The following SLCO5A1 variants were observed in gnomAD, a reference collection of about 807,000 sequenced individuals.
SLCO5A1 encodes solute carrier organic anion transporter family member 5A1, also known as organic anion transporter polypeptide-related protein 4.
Under a neutral mutation model 65.1 loss-of-function variants are expected in SLCO5A1, and 39 were observed. The observed-to-expected ratio is 0.60, with a 90% CI of 0.46 to 0.78. The LOEUF (loss-of-function observed/expected upper bound fraction) is 0.78, where lower values mean the gene tolerates loss of function less well. Ranked by LOEUF, SLCO5A1 falls within the 30% of genes least tolerant of loss-of-function variation. SLCO5A1 has a pLI of 0.00. For missense variants in SLCO5A1, 1,029 were observed against 1,069.4 expected (o/e 0.96, Z 0.53); for synonymous variants, 438 against 415.7 (o/e 1.05, Z -0.65).
intron 6 of SLCO5A1, chr8:69,704,787 A>G (rs1442830606): frequency 2.0e-6 from 1 of 502,452 alleles, no homozygotes; most frequent in African/African-American, 1.9e-5. Context: ...TTTCATCCTC[A>G]TCTGATGTAA....
intron 2 of SLCO5A1, among the ~76,000 whole-genome samples, chr8:69,795,042 A>T (rs972153789): frequency 6.6e-6 from 1 of 152,146 alleles, no homozygotes; most frequent in African/African-American, 2.4e-5. Context: ...ATGAGGGACA[A>T]CCCCTGTGAT....
chr8:69,794,258 A>G (rs556704453), intron 2 of SLCO5A1: 61 of 476,350 alleles, frequency 1.3e-4, no homozygotes, highest in African/African-American at 1.1e-3. Flanking sequence ...TTCCACCAGA[A>G]TGGGAAAGTT....
chr8:69,695,399 G>A (rs1814454961), intron 6 of SLCO5A1, among the ~76,000 whole-genome samples: 1 of 152,116 alleles, frequency 6.6e-6, no homozygotes, highest in Non-Finnish European at 1.5e-5. Context: ...GGAGGCTGAG[G>A]CAGGGATAAT....
rs1272727420 is a variant in SLCO5A1, at chr8:69,670,432, G to C, written c.*2437C>G. ...ACTCTTAATTGGTACATATTCCAAA[G>C]CTTTATTTTCTCATGATTTTTACTA... On this transcript the variant is annotated 3_prime_UTR_variant, in exon 10 of 10. Coordinates refer to ENST00000260126, the MANE Select transcript of SLCO5A1 (RefSeq NM_030958.3). 7 of 152,146 alleles carry C rather than the reference G, an allele frequency of 4.6e-5. No homozygotes were observed. Among genetic ancestry groups the C allele is most frequent in the Non-Finnish European group, 8.8e-5 (6 of 68,026 alleles). 9.4% of individuals were successfully genotyped at this position (152,146 alleles called of 1,614,324 possible). A position where few individuals can be genotyped will look rare whatever the true frequency, so the allele number is the denominator to read the frequency against.
chr8:69,733,509 T>A, intron 5 of SLCO5A1, among the ~76,000 whole-genome samples: 1 of 152,176 alleles, frequency 6.6e-6, no homozygotes, highest in East Asian at 1.9e-4. Context: ...CCTGTATAAC[T>A]GCTCCTTCAG....
At chr8:69,762,128 T>A (rs1817809582) in intron 2 of SLCO5A1, among the ~76,000 whole-genome samples, 1 of 14,664 alleles carries the variant, frequency 6.8e-5, no homozygotes, top group South Asian at 2.5e-3. Flanking sequence ...TTTTCTTTCT[T>A]TCTTTCTTTC....
intron 8 of SLCO5A1, among the ~76,000 whole-genome samples, chr8:69,677,130 CA>C (rs1469062195): frequency 6.6e-6 from 1 of 151,938 alleles, no homozygotes; most frequent in Non-Finnish European, 1.5e-5. Context: ...TCTTCCAAAA[CA>C]GGAAGAAAGA....
At chr8:69,825,305 A>C (rs1432105312) in intron 2 of SLCO5A1, among the ~76,000 whole-genome samples, 1 of 152,228 alleles carries the variant, frequency 6.6e-6, no homozygotes, top group Non-Finnish European at 1.5e-5. Context: ...AAGGAAATAA[A>C]GGGTATTCAA....
At chr8:69,724,414 A>G (rs1815969106) in intron 5 of SLCO5A1, among the ~76,000 whole-genome samples, 1 of 152,240 alleles carries the variant, frequency 6.6e-6, no homozygotes, top group South Asian at 2.1e-4. Flanking sequence ...CATAAATTAT[A>G]TTCATCTTTA....
At chr8:69,769,244 T>C (rs573622365) in intron 2 of SLCO5A1, among the ~76,000 whole-genome samples, 9 of 152,332 alleles carry the variant, frequency 5.9e-5, no homozygotes, top group Admixed American at 3.9e-4. Context: ...TTATCTGCAC[T>C]GCCCACTTTA....
chr8:69,818,583 G>A (rs1487524409), intron 2 of SLCO5A1, among the ~76,000 whole-genome samples: 1 of 152,162 alleles, frequency 6.6e-6, no homozygotes, highest in African/African-American at 2.4e-5. Flanking sequence ...CTACTAAAAA[G>A]GCTGATCTCT....
In SLCO5A1 at chr8:69,770,565, G is replaced by A. The variant is rs542745040; in HGVS notation, c.908-8690C>T. ...ATTCCCAGCTCAGCTGTGTACTTTC[G>A]TGGAGTTAAGAAGCCACTTATGATG... On this transcript the variant is annotated intron_variant, in intron 2 of 9. Transcript: ENST00000260126. Among the ~76,000 whole-genome samples the A allele has an allele frequency of 4.6e-5, 7 of 152,076 alleles. No individual in the cohort carries two copies. The East Asian group carries it at 1.4e-3, about 29-fold the overall frequency.
At chr8:69,755,299 C>A in intron 4 of SLCO5A1, 125 bp downstream of exon 4, 1 of 613,070 alleles carries the variant, frequency 1.6e-6, no homozygotes, top group Non-Finnish European at 2.5e-6. Context: ...TTTTGCAACA[C>A]TTACTCTCAA....
chr8:69,773,050 A>G, intron 2 of SLCO5A1: 1 of 784,348 alleles, frequency 1.3e-6, no homozygotes, highest in Non-Finnish European at 1.5e-6. Flanking sequence ...CTAGACACTA[A>G]AGGCTGAGCA....
intron 2 of SLCO5A1, among the ~76,000 whole-genome samples, chr8:69,828,276 TA>T (rs57458834): frequency 0.011 from 1,464 of 131,762 alleles, 22 homozygotes; most frequent in African/African-American, 0.047. Context: ...TTTTTTTTTT[TA>T]AAAAAAAAGC....
At chr8:69,718,237 T>C (rs1356953159) in intron 5 of SLCO5A1, among the ~76,000 whole-genome samples, 2 of 152,234 alleles carry the variant, frequency 1.3e-5, no homozygotes, top group Non-Finnish European at 2.9e-5. Context: ...ATTGATCTTG[T>C]AAGATCTTGC....
At chr8:69,797,113 A>G (rs1235611475) in intron 2 of SLCO5A1, among the ~76,000 whole-genome samples, 1 of 152,220 alleles carries the variant, frequency 6.6e-6, no homozygotes, top group Non-Finnish European at 1.5e-5. Context: ...GCAGAAGAAC[A>G]TGGATTGTGA....
At chr8:69,789,110 C>T (rs533171491) in intron 2 of SLCO5A1, among the ~76,000 whole-genome samples, 6 of 152,158 alleles carry the variant, frequency 3.9e-5, no homozygotes, top group Non-Finnish European at 7.3e-5. Flanking sequence ...AGAAACAGAA[C>T]GCATTCTCAA....
At chr8:69,780,722 C>T (rs1311230327) in intron 2 of SLCO5A1, among the ~76,000 whole-genome samples, 5 of 151,730 alleles carry the variant, frequency 3.3e-5, no homozygotes, top group Admixed American at 6.6e-5. Context: ...TGATGGATAC[C>T]CTAAAAGGCC....
Sources: allele counts gnomAD v4.1 joint callset (sites outside exome capture counted in the v4.1 genomes callset), GRCh38; gene constraint gnomAD v4.1.1; transcripts MANE v1.5; gene names NCBI Gene and HGNC (gene_info 2026-07-23, HGNC 2026-07-21).